RAB3GAP2: variants seen among roughly 807,000 people sequenced by gnomAD.
RAB3GAP2 encodes rab3 GTPase-activating protein non-catalytic subunit.
Under a neutral mutation model 185.3 loss-of-function variants are expected in RAB3GAP2, and 87 were observed. That is an observed-to-expected ratio of 0.47 (90% CI 0.39 to 0.56). RAB3GAP2 has a LOEUF of 0.56. Ranked by LOEUF, RAB3GAP2 falls within the 20% of genes least tolerant of loss-of-function variation. RAB3GAP2 has a pLI of 0.00. For synonymous variants in RAB3GAP2, 554 were observed against 576.1 expected, an observed-to-expected ratio of 0.96 and a Z score of 0.55; for missense variants, 1,492 against 1,638.2, an observed-to-expected ratio of 0.91 and a Z score of 1.54.
Position 220,182,320 on chromosome 1 carries a change from T to C in RAB3GAP2, c.2247A>G (p.Glu749=), listed in dbSNP as rs1450753552. Residue 749 remains glutamate, a synonymous_variant, in exon 21 of 35, where the codon GAA becomes GAG. Transcript: ENST00000358951. ...TGTGACACATATCCTCAGTGGAGCT[T>C]TCTCCATGCAAACACTTCCAAAAAA... ...SFFFWKCLHG[E]SSTEDMCHTL... 5.6e-6 allele frequency: 9 copies of C among 1,613,974 alleles called. No homozygotes were observed. Among genetic ancestry groups the C allele is most frequent in the Non-Finnish European group, 7.6e-6 (9 of 1,180,004 alleles).
intron 19 of RAB3GAP2, 86 bp downstream of exon 19, chr1:220,183,950 A>G: frequency 8.3e-7 from 1 of 1,208,448 alleles, no homozygotes; most frequent in Non-Finnish European, 1.1e-6. Flanking sequence ...AAAATTCTTA[A>G]TTTTCTACTT....
chr1:220,183,094 A>C (rs1167480525), intron 19 of RAB3GAP2, among the ~76,000 whole-genome samples, 163 bp from the exon 20 acceptor site: 1 of 152,180 alleles, frequency 6.6e-6, no homozygotes, highest in Non-Finnish European at 1.5e-5. Context: ...CATGAGTAGG[A>C]AGTTATTTAA....
chr1:220,238,777 G>C (rs1490178477), intron 1 of RAB3GAP2, among the ~76,000 whole-genome samples: 2 of 152,104 alleles, frequency 1.3e-5, no homozygotes, highest in Non-Finnish European at 2.9e-5. Context: ...TTTCCCTCTT[G>C]TGAAACTACA....
chr1:220,248,277 G>A (rs2102519532), intron 1 of RAB3GAP2, among the ~76,000 whole-genome samples: 1 of 152,210 alleles, frequency 6.6e-6, no homozygotes, highest in South Asian at 2.1e-4. Flanking sequence ...AAGTTATGAG[G>A]ACCTAATGTA....
rs780677053 is a variant in RAB3GAP2 at position 220,151,318 on chromosome 1, T to C, written c.4115A>G (p.His1372Arg). The C allele has an allele frequency of 6.2e-7, 1 of 1,614,156 alleles. No homozygotes were observed. Among genetic ancestry groups the C allele is most frequent in the Non-Finnish European group, 8.5e-7 (1 of 1,180,002 alleles). ...NKVIELLPEK[H>R]GQYGLALHLI... ...GTGTAAGGCTAGACCATATTGCCCA[T>C]GTTTTTCTGGTAAAAGCTCAATTAC... The change falls in exon 35 of 35, where the codon CAT becomes CGT. Residue 1372 changes from histidine (H) to arginine (R), a missense_variant. His to Arg is a conservative substitution (Grantham distance 29). This residue lies in a region of RAB3GAP2 where 387 missense variants were observed against 455.3 expected (regional missense o/e 0.85). Transcript: ENST00000358951.
chr1:220,242,166 A>C (rs1571923852), intron 1 of RAB3GAP2, among the ~76,000 whole-genome samples: 1 of 152,318 alleles, frequency 6.6e-6, no homozygotes, highest in East Asian at 1.9e-4. Flanking sequence ...TAACAATATC[A>C]CATGATAACA....
At chr1:220,220,559 A>G (rs80107250) in intron 2 of RAB3GAP2, 7,744 of 152,316 alleles carry the variant, frequency 0.051, 676 homozygotes, top group African/African-American at 0.18. Context: ...GGACAGCTTT[A>G]GGAGGCAAAA....
At chr1:220,261,289 C>A (rs1660133419) in intron 1 of RAB3GAP2, among the ~76,000 whole-genome samples, 1 of 152,204 alleles carries the variant, frequency 6.6e-6, no homozygotes, top group South Asian at 2.1e-4. Flanking sequence ...GAAGGTTCAA[C>A]AACTTACTCT....
intron 12 of RAB3GAP2, among the ~76,000 whole-genome samples, chr1:220,194,148 T>A (rs907458383): frequency 1.3e-5 from 2 of 152,118 alleles, no homozygotes; most frequent in Non-Finnish European, 2.9e-5. Context: ...GGAGGTGTTC[T>A]ATTTCCCTTC....
At chr1:220,184,894 T>C (rs2102866445) in intron 18 of RAB3GAP2, among the ~76,000 whole-genome samples, 1 of 151,944 alleles carries the variant, frequency 6.6e-6, no homozygotes, top group Admixed American at 6.6e-5. Flanking sequence ...GTTTTATGTA[T>C]CTGTTAAAAA....
chr1:220,234,284 A>T (rs75362021), intron 1 of RAB3GAP2, among the ~76,000 whole-genome samples: 10,477 of 152,264 alleles, frequency 0.069, 482 homozygotes, highest in South Asian at 0.12. Flanking sequence ...TGGGGGGAAA[A>T]CAATTTAAAA....
At position 220,210,665 on chromosome 1, in the gene RAB3GAP2, C is replaced by T. The variant is rs577565396; in HGVS notation, c.510+136G>A. On this transcript the variant is annotated intron_variant, in intron 6 of 34. Coordinates refer to ENST00000358951, the MANE Select transcript of RAB3GAP2 (RefSeq NM_012414.4). ...CTACCAGAACTTGCCACGGCCTATCCCGGCCTCTACCCCCATAAAGAATCA... is the reference window on the plus strand; with the variant it reads ...CTACCAGAACTTGCCACGGCCTATCTCGGCCTCTACCCCCATAAAGAATCA... The T allele has an allele frequency of 5.3e-5, 57 of 1,076,184 alleles. No homozygotes were observed. The South Asian group carries it at 5.5e-4, about 10-fold the overall frequency. The allele number at this position is 1,076,184 out of a possible 1,614,324, so 66.7% of individuals were successfully genotyped here. A position where few individuals can be genotyped will look rare whatever the true frequency, so the allele number is the denominator to read the frequency against.
chr1:220,179,244 CAAAAAAAAAAAA>C (rs71169437), intron 21 of RAB3GAP2, among the ~76,000 whole-genome samples: 2 of 56,834 alleles, frequency 3.5e-5, no homozygotes, highest in South Asian at 6.1e-4. Flanking sequence ...GAGACTGTCT[CAAAAAAAAAAAA>C]AAAAAAAAAA....
In RAB3GAP2 at chr1:220,191,061, A is replaced by G; in HGVS notation, c.1487+7T>C. 6.2e-7 allele frequency: 1 copy of G among 1,609,308 alleles called. No homozygotes were observed. Among genetic ancestry groups the G allele is most frequent in the Non-Finnish European group, 8.5e-7 (1 of 1,176,152 alleles). On this transcript the variant is annotated splice_region_variant and intron_variant, in intron 14 of 34. Transcript: ENST00000358951. ...TAACCAGCACAATGCCAGCATTTGCAGCTTACCTGCAGTGCTTCCCCACAT... is the reference window on the plus strand; with the variant it reads ...TAACCAGCACAATGCCAGCATTTGCGGCTTACCTGCAGTGCTTCCCCACAT...
intron 17 of RAB3GAP2, among the ~76,000 whole-genome samples, chr1:220,187,250 TG>T (rs1400496621): frequency 6.6e-6 from 1 of 152,222 alleles, no homozygotes; most frequent in Non-Finnish European, 1.5e-5. Flanking sequence ...GAGTTTCTTT[TG>T]TTCTAGTGTT....
chr1:220,259,539 T>A (rs2667970), intron 1 of RAB3GAP2, among the ~76,000 whole-genome samples: 1 of 151,960 alleles, frequency 6.6e-6, no homozygotes, highest in Non-Finnish European at 1.5e-5. Flanking sequence ...TGCCTAGCCA[T>A]ATGCAGATCA....
rs1657797153 is a variant in RAB3GAP2 at position 220,153,329 on chromosome 1, G to A, written c.3723C>T (p.Ala1241=). Residue 1241 remains alanine (A), a synonymous_variant, in exon 33 of 35, where the codon GCC becomes GCT. Coordinates refer to ENST00000358951, the MANE Select transcript of RAB3GAP2 (RefSeq NM_012414.4). The part of the protein sequence containing the change: ...ATKVKDPTEE[A]TPTPFGKDQD... Reference sequence around the variant, plus strand: ...GGTCTTTCCCAAAAGGAGTGGGTGTGGCCTCTTCTGTGGGATCTTTGACCT... The same window carrying A: ...GGTCTTTCCCAAAAGGAGTGGGTGTAGCCTCTTCTGTGGGATCTTTGACCT... 3.1e-6 allele frequency: 5 copies of A among 1,614,072 alleles called. No individual in the cohort carries two copies. Among genetic ancestry groups the A allele is most frequent in the Middle Eastern group, 1.6e-4 (1 of 6,084 alleles).
Position 220,268,725 on chromosome 1 carries a change from T to A in RAB3GAP2, c.115+3498A>T, listed in dbSNP as rs538476978. ...ACATACATAAACTCAAGAATTTGATTTAGAAGAGAAATACATTAAACCATA... is the reference window on the plus strand; with the variant it reads ...ACATACATAAACTCAAGAATTTGATATAGAAGAGAAATACATTAAACCATA... On this transcript the variant is annotated intron_variant, in intron 1 of 34. Transcript: ENST00000358951. 2.0e-5 allele frequency among the ~76,000 whole-genome samples: 3 copies of A among 152,320 alleles called. No individual in the cohort carries two copies. The East Asian group carries it at 5.8e-4, about 29-fold the overall frequency.
chr1:220,212,644 C>T (rs1025729916), intron 4 of RAB3GAP2, among the ~76,000 whole-genome samples: 5 of 152,054 alleles, frequency 3.3e-5, no homozygotes, highest in Non-Finnish European at 7.4e-5. Context: ...CAGGTGTGCG[C>T]ATCACATCCA....
Sources: allele counts gnomAD v4.1 joint callset (sites outside exome capture counted in the v4.1 genomes callset), GRCh38; gene constraint gnomAD v4.1.1; regional missense constraint gnomAD v4.1.1; transcripts MANE v1.5; gene names NCBI Gene and HGNC (gene_info 2026-07-23, HGNC 2026-07-21).